The following STIL variants were observed in gnomAD, a reference collection of about 807,000 sequenced individuals.
STIL encodes the protein SCL-interrupting locus protein.
STIL carries 55 observed loss-of-function variants against 110.1 expected under a neutral mutation model. That is an observed-to-expected ratio of 0.50 (90% CI 0.40 to 0.63). STIL has a LOEUF of 0.63. STIL is among the 20% of genes least tolerant of loss of function. The probability of loss-of-function intolerance (pLI) is 0.00; values close to 1 mark genes in which losing one functional copy is unlikely to be tolerated. For synonymous variants in STIL, 481 were observed against 530.0 expected (o/e 0.91, Z 1.27); for missense variants, 1,358 against 1,530.0 (o/e 0.89, Z 1.87).
At chr1:47,266,680 C>T (rs952911998) in intron 14 of STIL, among the ~76,000 whole-genome samples, 1 of 152,194 alleles carries the variant, frequency 6.6e-6, no homozygotes, top group Non-Finnish European at 1.5e-5. Context: ...TTATCCTACA[C>T]CTGATCCCTT....
At chr1:47,291,483 C>G (rs1316650985) in intron 8 of STIL, among the ~76,000 whole-genome samples, 1 of 152,080 alleles carries the variant, frequency 6.6e-6, no homozygotes. Flanking sequence ...ATCCTCCTCT[C>G]AGGCTTTATT....
Position 47,272,081 on chromosome 1 carries a change from C to A in STIL, c.2378G>T (p.Ser793Ile). Residue 793 changes from serine to isoleucine, a missense_variant, in exon 13 of 17, where the codon AGC becomes ATC. Physicochemically the swap from Ser to Ile is moderately radical, Grantham distance 142. Transcript: ENST00000371877. ...TAAAAAAAAACTGAAATTACCTGTGCTCACAGCAATGCTTACACCTTTTCT... is the reference window on the plus strand; with the variant it reads ...TAAAAAAAAACTGAAATTACCTGTGATCACAGCAATGCTTACACCTTTTCT... ...HMRKGVSIAV[S>I]TGASLFWNAA... The A allele has an allele frequency of 6.2e-7, 1 of 1,614,036 alleles. No homozygotes were observed. The highest frequency in any genetic ancestry group is 1.3e-5 in the African/African-American group (1 of 75,054).
At chr1:47,303,236 C>T (rs949566388) in intron 3 of STIL, among the ~76,000 whole-genome samples, 2 of 152,068 alleles carry the variant, frequency 1.3e-5, no homozygotes, top group African/African-American at 2.4e-5. Flanking sequence ...TATAAGTATC[C>T]TCTCATATAT....
intron 14 of STIL, among the ~76,000 whole-genome samples, chr1:47,267,783 C>T (rs1644698477): frequency 6.6e-6 from 1 of 151,786 alleles, no homozygotes; most frequent in African/African-American, 2.4e-5. Context: ...AATCTCGGCT[C>T]ACTGCAACCT....
At chr1:47,274,153 C>G (rs1047395612) in intron 12 of STIL, among the ~76,000 whole-genome samples, 1 of 152,142 alleles carries the variant, frequency 6.6e-6, no homozygotes, top group Non-Finnish European at 1.5e-5. Flanking sequence ...GATCATTTCT[C>G]CCATTTTATA....
chr1:47,261,767 C>G (rs1644493311), intron 15 of STIL, among the ~76,000 whole-genome samples: 1 of 150,442 alleles, frequency 6.6e-6, no homozygotes, highest in African/African-American at 2.4e-5. Context: ...AAAAAATTAG[C>G]CAGGCATGGT....
chr1:47,270,628 T>TA (rs1339577570), intron 13 of STIL, among the ~76,000 whole-genome samples: 1 of 150,660 alleles, frequency 6.6e-6, no homozygotes, highest in Non-Finnish European at 1.5e-5. Context: ...GTAATATCTG[T>TA]AATATCAGGC....
chr1:47,265,778 T>C (rs1194724071), intron 14 of STIL, among the ~76,000 whole-genome samples: 1 of 108,908 alleles, frequency 9.2e-6, no homozygotes, highest in Non-Finnish European at 1.8e-5. Context: ...AGAGCAAGAC[T>C]GTCTCAAAAA....
chr1:47,270,239 A>ATATAT (rs1190552502), intron 13 of STIL, among the ~76,000 whole-genome samples: 3 of 119,160 alleles, frequency 2.5e-5, no homozygotes, highest in African/African-American at 1.0e-4. Flanking sequence ...AAAAAAAAAA[A>ATATAT]AAATATATAT....
At chr1:47,293,610 C>A in intron 7 of STIL, 66 bp from the exon 8 acceptor site, 1 of 1,312,658 alleles carries the variant, frequency 7.6e-7, no homozygotes, top group South Asian at 1.2e-5. Flanking sequence ...TTACATTCTT[C>A]CTAAGATAAC....
chr1:47,286,456 C>T (rs1645302636), intron 10 of STIL, among the ~76,000 whole-genome samples: 1 of 151,932 alleles, frequency 6.6e-6, no homozygotes, highest in Non-Finnish European at 1.5e-5. Context: ...CGCCTGTAAT[C>T]CCAGCACTTT....
intron 16 of STIL, among the ~76,000 whole-genome samples, chr1:47,259,039 T>C (rs1570021137): frequency 7.1e-6 from 1 of 140,600 alleles, no homozygotes; most frequent in Admixed American, 7.1e-5. Context: ...CAAGCTGGAG[T>C]GCAGTGGCGC....
At chr1:47,282,602 T>C in intron 10 of STIL, 143 bp from the exon 11 acceptor site, 1 of 636,314 alleles carries the variant, frequency 1.6e-6, no homozygotes, top group East Asian at 2.8e-5. Flanking sequence ...ATTATTTTAT[T>C]TTTCAGGCCA....
At chr1:47,287,696 TAAATAAG>T in intron 9 of STIL, 36 bp from the exon 10 acceptor site, 1 of 1,493,918 alleles carries the variant, frequency 6.7e-7, no homozygotes, top group Non-Finnish European at 9.3e-7. Context: ...AGATCTGACT[TAAATAAG>T]AACACCAGAG....
chr1:47,251,596 C>T lies in STIL; in HGVS notation c.3407G>A (p.Ser1136Asn). The T allele has an allele frequency of 1.2e-6, 2 of 1,613,880 alleles. No individual in the cohort carries two copies. Among genetic ancestry groups the T allele is most frequent in the Non-Finnish European group, 1.7e-6 (2 of 1,179,916 alleles). Reference protein sequence around the residue: ...RYGLLQSSDNSEDEEEPPDNA... With the variant: ...RYGLLQSSDNNEDEEEPPDNA... ...GTCGGGAGGTTCCTCTTCATCTTCA[C>T]TATTGTCACTGCTTTGTAGGAGTCC... Residue 1136 changes from serine (S) to asparagine (N), a missense_variant, in exon 17 of 17, where the codon AGT becomes AAT. By Grantham distance (46) the Ser-to-Asn change is conservative (BLOSUM62 1). Transcript: ENST00000371877.
chr1:47,289,938 CAAAAAAA>C (rs59432279), intron 8 of STIL, among the ~76,000 whole-genome samples: 2 of 104,006 alleles, frequency 1.9e-5, no homozygotes, highest in East Asian at 6.0e-4. Context: ...ACTCCGTCTC[CAAAAAAA>C]AAAAAAAAAA....
intron 12 of STIL, among the ~76,000 whole-genome samples, chr1:47,276,396 G>C (rs367684720): frequency 1.3e-5 from 2 of 151,468 alleles, no homozygotes; most frequent in Non-Finnish European, 1.5e-5. Flanking sequence ...AATACCACAC[G>C]CATATGCATA....
chr1:47,263,019 G>A lies in STIL; in HGVS notation c.2713C>T (p.Pro905Ser). ...ESVSMCLQTG[P>S]TGGASNNSET... ...GAATTGTTACTGGCACCCCCTGTTG[G>A]TCCAGTCTGTAAACACATGCTTACA... Residue 905 changes from proline (P) to serine (S), a missense_variant, in exon 15 of 17, where the codon CCA becomes TCA. Physicochemically the swap from Pro to Ser is moderately conservative, Grantham distance 74. Coordinates refer to ENST00000371877, the MANE Select transcript of STIL (RefSeq NM_001048166.1). 1 of 1,614,080 alleles carries A rather than the reference G, an allele frequency of 6.2e-7. No homozygotes were observed. The highest frequency in any genetic ancestry group is 1.3e-5 in the African/African-American group (1 of 74,994).
rs148193936 is a variant in STIL, at chr1:47,260,463, T to C, written c.2906A>G (p.His969Arg). The C allele has an allele frequency of 1.4e-3, 2,258 of 1,614,232 alleles. 4 individuals are homozygous for C. Among genetic ancestry groups the C allele is most frequent in the Non-Finnish European group, 1.8e-3 (2,071 of 1,180,044 alleles). ...AACGTTTTGGGTTCTGGTGCATTCA[T>C]GACTGATAATTACTGCTTTGGTAGA... is the stretch of plus-strand genomic sequence containing the variant. Reference protein sequence around the residue: ...QPSTKAVIISHECTRTQNVYH... With the variant: ...QPSTKAVIISRECTRTQNVYH... The change falls in exon 16 of 17, where the codon CAT becomes CGT. Residue 969 changes from histidine (H) to arginine (R), a missense_variant. His to Arg is a conservative substitution (Grantham distance 29). Transcript: ENST00000371877.
Sources: allele counts gnomAD v4.1 joint callset (sites outside exome capture counted in the v4.1 genomes callset), GRCh38; gene constraint gnomAD v4.1.1; transcripts MANE v1.5; gene names NCBI Gene and HGNC (gene_info 2026-07-23, HGNC 2026-07-21).